The following SLC35F1 variants were observed in gnomAD, a reference collection of about 807,000 sequenced individuals.
SLC35F1 encodes chromosome 6 open reading frame 169.
SLC35F1 carries 14 observed loss-of-function variants against 48.7 expected under a neutral mutation model. The ratio of observed to expected loss-of-function variants is 0.29; its 90% confidence interval spans 0.19 to 0.45. The LOEUF (loss-of-function observed/expected upper bound fraction) is 0.45. SLC35F1 is among the 20% of genes least tolerant of loss of function. The pLI, the probability that SLC35F1 is intolerant of heterozygous loss-of-function variation, is 1.00. For missense variants in SLC35F1, 404 were observed against 500.0 expected (o/e 0.81, Z 1.83); for synonymous variants, 190 against 202.2 (o/e 0.94, Z 0.51).
Position 118,232,548 on chromosome 6 carries a change from C to CAA in SLC35F1, c.350-2942_350-2941dup, listed in dbSNP as rs771123566. 4.3e-3 allele frequency among the ~76,000 whole-genome samples: 219 copies of CAA among 50,592 alleles called. 2 individuals are homozygous for CAA. Among genetic ancestry groups the CAA allele is most frequent in the Middle Eastern group, 0.012 (1 of 82 alleles). The allele number at this position is 50,592 out of a possible 152,430, so 33.2% of individuals were successfully genotyped here. A position where few individuals can be genotyped will look rare whatever the true frequency, so the allele number is the denominator to read the frequency against. Reference sequence around the variant, plus strand: ...GGGTGACAAGAGTGAAACTCCATCCCAAAAAAAAAAAAAAAAAAAAGGTGT... The same window carrying CAA: ...GGGTGACAAGAGTGAAACTCCATCCCAAAAAAAAAAAAAAAAAAAAAAGGTGT... On this transcript the variant is annotated intron_variant, in intron 2 of 7. Transcript: ENST00000360388.
intron 3 of SLC35F1, among the ~76,000 whole-genome samples, chr6:118,256,462 C>T (rs1476724311): frequency 6.6e-6 from 1 of 152,122 alleles, no homozygotes; most frequent in Non-Finnish European, 1.5e-5. Flanking sequence ...TTGAGGAGAG[C>T]TCTTTGCCTG....
chr6:118,147,049 G>A (rs983763889), intron 1 of SLC35F1, among the ~76,000 whole-genome samples: 5 of 152,098 alleles, frequency 3.3e-5, no homozygotes, highest in East Asian at 1.9e-4. Context: ...GCATACAATC[G>A]CAAGGAGCAG....
chr6:118,180,764 A>G (rs531388079), intron 2 of SLC35F1, among the ~76,000 whole-genome samples: 1 of 152,194 alleles, frequency 6.6e-6, no homozygotes, highest in African/African-American at 2.4e-5. Context: ...ATAGAGAGAA[A>G]GGGAGATGGG....
chr6:118,240,216 C>T (rs1257573652), intron 3 of SLC35F1, among the ~76,000 whole-genome samples: 1 of 152,150 alleles, frequency 6.6e-6, no homozygotes, highest in African/African-American at 2.4e-5. Context: ...GATAGTAACA[C>T]CAAGTGTGGC....
At chr6:118,267,307 CAG>C (rs1392377755) in intron 4 of SLC35F1, among the ~76,000 whole-genome samples, 153 bp downstream of exon 4, 1 of 152,214 alleles carries the variant, frequency 6.6e-6, no homozygotes, top group Non-Finnish European at 1.5e-5. Flanking sequence ...ACACCTGAAA[CAG>C]GGCACACAGG....
intron 1 of SLC35F1, among the ~76,000 whole-genome samples, chr6:117,969,848 C>G (rs879392979): frequency 4.6e-5 from 7 of 152,196 alleles, no homozygotes; most frequent in Non-Finnish European, 8.8e-5. Flanking sequence ...CATTCCTGAT[C>G]ATCCCTTTAG....
At chr6:118,071,139 A>G (rs1772716408) in intron 1 of SLC35F1, among the ~76,000 whole-genome samples, 1 of 136,662 alleles carries the variant, frequency 7.3e-6, no homozygotes, top group South Asian at 2.3e-4. Flanking sequence ...ATATACATAT[A>G]TATACATTCT....
intron 3 of SLC35F1, among the ~76,000 whole-genome samples, chr6:118,257,938 C>T (rs76765332): frequency 0.012 from 1,813 of 152,190 alleles, 37 homozygotes; most frequent in African/African-American, 0.042. Flanking sequence ...CATTTTCATC[C>T]ATGTTGCAGA....
chr6:118,018,823 T>G (rs73768146), intron 1 of SLC35F1, among the ~76,000 whole-genome samples: 1 of 152,136 alleles, frequency 6.6e-6, no homozygotes, highest in Non-Finnish European at 1.5e-5. Context: ...ACAATGTACA[T>G]CCTGACATCC....
intron 2 of SLC35F1, among the ~76,000 whole-genome samples, chr6:118,204,979 A>G (rs1363456043): frequency 6.6e-6 from 1 of 152,196 alleles, no homozygotes; most frequent in African/African-American, 2.4e-5. Context: ...GCTGACAGAA[A>G]GCTACGCTGG....
intron 2 of SLC35F1, among the ~76,000 whole-genome samples, chr6:118,180,409 G>A (rs1227377652): frequency 6.6e-6 from 1 of 151,984 alleles, no homozygotes; most frequent in Non-Finnish European, 1.5e-5. Context: ...ACAGATGTTG[G>A]AATTACTAGA....
At position 118,032,531 on chromosome 6, in the gene SLC35F1, CTTTT is replaced by C. The variant is rs1235326661; in HGVS notation, c.174-121913_174-121910del. Reference sequence around the variant, plus strand: ...GCCCTTTTTTCTGCCTTCCATCTTTCTTTTGTCTCCTCCTCTTTGGAGTAGAAAA... The same window carrying C: ...GCCCTTTTTTCTGCCTTCCATCTTTCGTCTCCTCCTCTTTGGAGTAGAAAA... On this transcript the variant is annotated intron_variant, in intron 1 of 7. Coordinates refer to ENST00000360388, the MANE Select transcript of SLC35F1 (RefSeq NM_001029858.4). Among the ~76,000 whole-genome samples the C allele has an allele frequency of 1.6e-4, 24 of 152,254 alleles. No individual in the cohort carries two copies. The South Asian group carries it at 1.9e-3, about 12-fold the overall frequency.
At chr6:118,045,443 G>A (rs1772286306) in intron 1 of SLC35F1, among the ~76,000 whole-genome samples, 1 of 152,200 alleles carries the variant, frequency 6.6e-6, no homozygotes, top group Non-Finnish European at 1.5e-5. Flanking sequence ...GCTCTTGATA[G>A]ATGATCTCTG....
chr6:118,146,505 A>G (rs1051363737), intron 1 of SLC35F1, among the ~76,000 whole-genome samples: 6 of 152,202 alleles, frequency 3.9e-5, no homozygotes, highest in African/African-American at 1.4e-4. Context: ...TGTCTCTCTC[A>G]TTATTTAAAA....
intron 2 of SLC35F1, among the ~76,000 whole-genome samples, chr6:118,178,888 T>C (rs1272374677): frequency 1.3e-5 from 2 of 152,162 alleles, no homozygotes; most frequent in African/African-American, 2.4e-5. Context: ...TTGAACATTC[T>C]TCTTTAGAAT....
intron 1 of SLC35F1, among the ~76,000 whole-genome samples, chr6:118,037,150 A>C (rs1221505392): frequency 6.6e-6 from 1 of 152,176 alleles, no homozygotes; most frequent in Non-Finnish European, 1.5e-5. Flanking sequence ...TTTGTATCTT[A>C]TACCTTTTTC....
chr6:117,966,327 C>T (rs560896235), intron 1 of SLC35F1, among the ~76,000 whole-genome samples: 1 of 152,106 alleles, frequency 6.6e-6, no homozygotes, highest in African/African-American at 2.4e-5. Flanking sequence ...TCAGCGAGAC[C>T]ACGAACCCAC....
chr6:118,192,949 A>G (rs765461591), intron 2 of SLC35F1, among the ~76,000 whole-genome samples: 2 of 152,194 alleles, frequency 1.3e-5, no homozygotes, highest in East Asian at 3.8e-4. Flanking sequence ...CCAGGTTGCC[A>G]TAAGTCATTC....
At chr6:118,155,692 C>T (rs1013430638) in intron 2 of SLC35F1, among the ~76,000 whole-genome samples, 1 of 152,154 alleles carries the variant, frequency 6.6e-6, no homozygotes, top group Non-Finnish European at 1.5e-5. Flanking sequence ...GCACTTTTAT[C>T]TATGGCTCAG....
Sources: gnomAD v4.1 joint callset for allele counts (sites outside exome capture counted in the v4.1 genomes callset) on GRCh38, gnomAD v4.1.1 for gene constraint, MANE v1.5 for transcripts, NCBI Gene and HGNC (gene_info 2026-07-23, HGNC 2026-07-21) for gene names.